EEIG2: variants seen among roughly 807,000 people sequenced by gnomAD.
EEIG2 encodes the protein family with sequence similarity 102 member B.
the EEIG2 span, among the ~76,000 whole-genome samples, chr1:108,586,665 C>T: frequency 6.6e-6 from 1 of 151,906 alleles, no homozygotes; most frequent in Non-Finnish European, 1.5e-5. Context: ...TGCATAGTGC[C>T]AGGGCAGAAA....
At chr1:108,604,110 T>C in the EEIG2 span, among the ~76,000 whole-genome samples, 2 of 152,206 alleles carry the variant, frequency 1.3e-5, no homozygotes, top group Non-Finnish European at 2.9e-5. Context: ...GTGAACCCTA[T>C]GCAGTGTAAA....
At chr1:108,572,722 TCTC>T in the EEIG2 span, among the ~76,000 whole-genome samples, 1 of 152,014 alleles carries the variant, frequency 6.6e-6, no homozygotes, top group Non-Finnish European at 1.5e-5. Flanking sequence ...TTCAAGCAAT[TCTC>T]CTGCCTCAGC....
At chr1:108,607,751 T>C in the EEIG2 span, among the ~76,000 whole-genome samples, 2 of 152,214 alleles carry the variant, frequency 1.3e-5, no homozygotes, top group South Asian at 4.1e-4. Context: ...TCTGCTGTAG[T>C]TGACCAGTCC....
chr1:108,579,772 T>TGTGTGTGTGTGTGTGTGAGAGAGA, the EEIG2 span, among the ~76,000 whole-genome samples: 1 of 58,822 alleles, frequency 1.7e-5, no homozygotes, highest in African/African-American at 6.5e-5. Context: ...TGTGTGTGTG[T>TGTGTGTGTGTGTGTGTGAGAGAGA]GAGAGAGAGA....
At chr1:108,635,365 G>A in the EEIG2 span, 2 of 529,776 alleles carry the variant, frequency 3.8e-6, no homozygotes, top group African/African-American at 3.8e-5. Flanking sequence ...GCCACTGTGT[G>A]CCTTGGAAGC....
At chr1:108,585,445 T>C in the EEIG2 span, among the ~76,000 whole-genome samples, 2 of 152,012 alleles carry the variant, frequency 1.3e-5, no homozygotes, top group African/African-American at 4.8e-5. Context: ...GTCAGATGGG[T>C]CAAGTAACAC....
the EEIG2 span, among the ~76,000 whole-genome samples, chr1:108,611,551 G>A: frequency 6.6e-6 from 1 of 152,326 alleles, no homozygotes; most frequent in Admixed American, 6.5e-5. Context: ...GAGGAATTAG[G>A]TTTCATAAAG....
the EEIG2 span, chr1:108,635,041 G>A: frequency 6.5e-7 from 1 of 1,546,020 alleles, no homozygotes; most frequent in South Asian, 1.1e-5. Context: ...CCAGGGGTAA[G>A]GTTACTTGGA....
At chr1:108,613,003 T>C in the EEIG2 span, among the ~76,000 whole-genome samples, 13 of 152,198 alleles carry the variant, frequency 8.5e-5, no homozygotes, top group African/African-American at 2.9e-4. Context: ...TTTCAAACTT[T>C]TTTGCAGCAA....
chr1:108,604,230 T>C, the EEIG2 span, among the ~76,000 whole-genome samples: 1 of 152,170 alleles, frequency 6.6e-6, no homozygotes, highest in African/African-American at 2.4e-5. Context: ...GGCCGGGCCT[T>C]ATGAAGAGTT....
chr1:108,597,658 T>G, the EEIG2 span, among the ~76,000 whole-genome samples: 1 of 152,158 alleles, frequency 6.6e-6, no homozygotes, highest in Non-Finnish European at 1.5e-5. Context: ...TAGTTATCAC[T>G]TGTCTGTCTG....
At chr1:108,591,608 T>TGGGAGAC in the EEIG2 span, among the ~76,000 whole-genome samples, 2 of 152,100 alleles carry the variant, frequency 1.3e-5, no homozygotes, top group Admixed American at 1.3e-4. Context: ...GACACTGTCT[T>TGGGAGAC]GGGAGACTGA....
At chr1:108,616,363 T>C in the EEIG2 span, 6 of 1,549,456 alleles carry the variant, frequency 3.9e-6, no homozygotes, top group Non-Finnish European at 5.3e-6. Flanking sequence ...AATCGTGATA[T>C]TTCTTGTTTT....
At chr1:108,611,973 AG>A in the EEIG2 span, among the ~76,000 whole-genome samples, 1 of 152,192 alleles carries the variant, frequency 6.6e-6, no homozygotes, top group Non-Finnish European at 1.5e-5. Context: ...GCTGAACGCA[AG>A]AATAGAATAA....
At chr1:108,626,575 T>C in the EEIG2 span, 3 of 152,354 alleles carry the variant, frequency 2.0e-5, no homozygotes, top group East Asian at 5.8e-4. Context: ...GCTGGATTAT[T>C]ATGAAAACCT....
At chr1:108,639,140 T>C in the EEIG2 span, 5 of 152,184 alleles carry the variant, frequency 3.3e-5, no homozygotes, top group East Asian at 1.9e-4. Context: ...ATTCCATCCG[T>C]ATTCTGTTCT....
the EEIG2 span, among the ~76,000 whole-genome samples, chr1:108,603,402 CTG>C: frequency 1.3e-5 from 2 of 152,026 alleles, no homozygotes; most frequent in Non-Finnish European, 2.9e-5. Flanking sequence ...GACTCACTCT[CTG>C]AGAGTTTCAA....
At chr1:108,600,771 T>C in the EEIG2 span, 2 of 1,431,784 alleles carry the variant, frequency 1.4e-6, no homozygotes, top group South Asian at 2.7e-5. Flanking sequence ...ATCTCTGCTT[T>C]ATCTGTTTCA....
At chr1:108,634,213 A>C in the EEIG2 span, among the ~76,000 whole-genome samples, 3 of 152,240 alleles carry the variant, frequency 2.0e-5, no homozygotes, top group East Asian at 5.8e-4. Context: ...GGTTTCTTCA[A>C]ATTCTGATTT....
Sources: gnomAD v4.1 joint callset for allele counts (sites outside exome capture counted in the v4.1 genomes callset) on GRCh38, gnomAD v4.1.1 for gene constraint, MANE v1.5 for transcripts, NCBI Gene and HGNC (gene_info 2026-07-23, HGNC 2026-07-21) for gene names.